The following MYO10 variants were observed in gnomAD, a reference collection of about 807,000 sequenced individuals.
The protein encoded by MYO10 is myosin X, also known as unconventional myosin-X.
Under a neutral mutation model 257.3 loss-of-function variants are expected in MYO10, and 133 were observed. The observed-to-expected ratio is 0.52, with a 90% CI of 0.45 to 0.60. The LOEUF (loss-of-function observed/expected upper bound fraction) is 0.60, where lower values mean the gene tolerates loss of function less well. MYO10 is among the 20% of genes least tolerant of loss of function. The pLI, the probability that MYO10 is intolerant of heterozygous loss-of-function variation, is 0.00. For synonymous variants in MYO10, 1,104 were observed against 1,028.6 expected, an observed-to-expected ratio of 1.07 and a Z score of -1.40; for missense variants, 2,399 against 2,635.7, an observed-to-expected ratio of 0.91 and a Z score of 1.97.
chr5:16,798,946 A>T (rs1345847127), intron 3 of MYO10, among the ~76,000 whole-genome samples: 2 of 152,010 alleles, frequency 1.3e-5, no homozygotes, highest in Admixed American at 6.6e-5. Context: ...AAATTTAATT[A>T]ATTTATTATT....
chr5:16,871,628 T>A (rs1212146998), intron 2 of MYO10, among the ~76,000 whole-genome samples: 2 of 152,020 alleles, frequency 1.3e-5, no homozygotes, highest in African/African-American at 4.8e-5. Flanking sequence ...AATCTATCCC[T>A]GGCCAGTTAA....
chr5:16,699,015 G>A (rs1027470551), intron 26 of MYO10, among the ~76,000 whole-genome samples: 1 of 152,136 alleles, frequency 6.6e-6, no homozygotes, highest in Non-Finnish European at 1.5e-5. Flanking sequence ...ATATATGAGA[G>A]AGAGCAATGA....
At chr5:16,724,919 CAT>C (rs1381529275) in intron 19 of MYO10, among the ~76,000 whole-genome samples, 1 of 152,108 alleles carries the variant, frequency 6.6e-6, no homozygotes, top group Non-Finnish European at 1.5e-5. Context: ...ACACAGTATG[CAT>C]GTGTGTGTAT....
chr5:16,701,175 A>T lies in MYO10; in HGVS notation c.3220T>A (p.Cys1074Ser). 1 of 1,607,520 alleles carries T rather than the reference A, an allele frequency of 6.2e-7. No individual in the cohort carries two copies. The highest frequency in any genetic ancestry group is 1.1e-5 in the South Asian group (1 of 89,652). ...HNSSSGESTY[C>S]MPQNAGDLPS... ...AAGTCCCCAGCGTTCTGGGGCATGC[A>T]GTAGGTGGACTCGCCGCTGGAGGAG... The change falls in exon 25 of 41, where the codon TGC becomes AGC. Residue 1074 changes from cysteine (C) to serine (S), a missense_variant. Transcript: ENST00000513610. This position sits in a 1 kb window ranked among gnomAD's most constrained non-coding sequence, Gnocchi z 8.1.
intron 2 of MYO10, among the ~76,000 whole-genome samples, chr5:16,844,950 A>G (rs10074579): frequency 0.041 from 5,409 of 132,994 alleles, 339 homozygotes; most frequent in African/African-American, 0.17. Context: ...ACACACACAC[A>G]CACGCACACA....
intron 25 of MYO10, among the ~76,000 whole-genome samples, chr5:16,700,626 A>G (rs399043): frequency 0.11 from 16,797 of 152,066 alleles, 2,574 homozygotes; most frequent in African/African-American, 0.35. Context: ...GCAGTGAGGC[A>G]AAATCCTGCC....
In MYO10 at chr5:16,802,835, G is replaced by A. The variant is rs199864054; in HGVS notation, c.280-8002C>T. Among the ~76,000 whole-genome samples the A allele has an allele frequency of 6.6e-5, 10 of 152,102 alleles. No homozygotes were observed. In the South Asian group the frequency reaches 2.1e-3, roughly 32 times the overall value. ...TTAACTTTAAATAAAAAGTTTTAGA[G>A]GTTGGGTGTGGTGGCTCACGCCTGT... On this transcript the variant is annotated intron_variant, in intron 3 of 40. Coordinates refer to ENST00000513610, the MANE Select transcript of MYO10 (RefSeq NM_012334.3).
chr5:16,892,261 ATC>A (rs1470881098), intron 1 of MYO10, among the ~76,000 whole-genome samples: 4 of 152,186 alleles, frequency 2.6e-5, no homozygotes, highest in African/African-American at 9.7e-5. Context: ...ATTACTTGAG[ATC>A]TCTCTGCACA....
At chr5:16,776,647 T>C (rs1369411170) in intron 9 of MYO10, among the ~76,000 whole-genome samples, 1 of 152,222 alleles carries the variant, frequency 6.6e-6, no homozygotes, top group African/African-American at 2.4e-5. Context: ...ATTATTTCAA[T>C]GTAGCAATAA....
intron 1 of MYO10, among the ~76,000 whole-genome samples, chr5:16,881,248 A>G (rs1007542377): frequency 2.0e-5 from 3 of 152,218 alleles, no homozygotes; most frequent in African/African-American, 7.2e-5. Context: ...TCAAATTAAT[A>G]TAAACTGTCA....
chr5:16,780,695 G>A (rs1400616614), intron 7 of MYO10, 33 bp downstream of exon 7: 2 of 1,556,244 alleles, frequency 1.3e-6, no homozygotes, highest in South Asian at 1.2e-5. Context: ...TGTTATTATG[G>A]AAGAAAATGT....
chr5:16,794,931 G>A (rs149853980), intron 3 of MYO10, 98 bp from the exon 4 acceptor site: 13 of 956,560 alleles, frequency 1.4e-5, no homozygotes, highest in Admixed American at 7.7e-5. Context: ...GGGGAAAGAC[G>A]TCTTCTGTCT....
intron 19 of MYO10, among the ~76,000 whole-genome samples, chr5:16,723,184 A>G (rs1739222080): frequency 6.6e-6 from 1 of 152,004 alleles, no homozygotes; most frequent in African/African-American, 2.4e-5. Flanking sequence ...GGAGATCGAG[A>G]CCATCCTGGC....
chr5:16,705,396 T>C (rs1313506125), intron 21 of MYO10, among the ~76,000 whole-genome samples: 1 of 152,226 alleles, frequency 6.6e-6, no homozygotes, highest in East Asian at 1.9e-4. Context: ...CATCCTCTGC[T>C]TATCAAATAA....
intron 19 of MYO10, chr5:16,738,117 A>G: frequency 1.0e-6 from 1 of 984,456 alleles, no homozygotes; most frequent in Non-Finnish European, 1.2e-6. Flanking sequence ...GTGGAAATAC[A>G]CAGGGGAGAG....
chr5:16,787,806 T>TTGTG (rs151331141), intron 4 of MYO10, among the ~76,000 whole-genome samples: 2 of 151,166 alleles, frequency 1.3e-5, no homozygotes, highest in East Asian at 3.9e-4. Context: ...GATCGTTCTT[T>TTGTG]TGTGTGTGTG....
At chr5:16,746,676 G>C (rs1468587964) in intron 19 of MYO10, among the ~76,000 whole-genome samples, 1 of 152,204 alleles carries the variant, frequency 6.6e-6, no homozygotes, top group Admixed American at 6.5e-5. Flanking sequence ...AAACAGAAAA[G>C]CAAGGTGCCT....
At chr5:16,740,361 AT>A (rs968313711) in intron 19 of MYO10, among the ~76,000 whole-genome samples, 7 of 151,944 alleles carry the variant, frequency 4.6e-5, no homozygotes, top group Non-Finnish European at 7.4e-5. Context: ...GGAAAAAAAA[AT>A]ATCTCAGTCT....
intron 2 of MYO10, among the ~76,000 whole-genome samples, chr5:16,866,462 C>A (rs923791971): frequency 6.6e-6 from 1 of 152,134 alleles, no homozygotes; most frequent in South Asian, 2.1e-4. Flanking sequence ...TTAGGCTGAA[C>A]CATATGTGAT....
Sources: allele counts gnomAD v4.1 joint callset (sites outside exome capture counted in the v4.1 genomes callset), GRCh38; gene constraint gnomAD v4.1.1; non-coding constraint Gnocchi (gnomAD v3.1); transcripts MANE v1.5; gene names NCBI Gene and HGNC (gene_info 2026-07-23, HGNC 2026-07-21).